The following EPS15 variants were observed in gnomAD, a reference collection of about 807,000 sequenced individuals.
EPS15 encodes epidermal growth factor receptor pathway substrate 15.
Under a neutral mutation model 113.8 loss-of-function variants are expected in EPS15, and 72 were observed. The ratio of observed to expected loss-of-function variants is 0.63; its 90% CI spans 0.52 to 0.77. The LOEUF (loss-of-function observed/expected upper bound fraction) is 0.77. Among genes scored for constraint, EPS15 ranks in the 30% least tolerant of loss-of-function variants. The probability of loss-of-function intolerance (pLI) is 0.00; values close to 1 mark genes in which losing one functional copy is unlikely to be tolerated. For synonymous variants in EPS15, 344 were observed against 363.4 expected (o/e 0.95, Z 0.61); for missense variants, 1,048 against 1,045.8 (o/e 1.00, Z -0.03).
In EPS15 at chr1:51,468,476, T is replaced by A; in HGVS notation, c.306A>T (p.Arg102Ser). 6.3e-7 allele frequency: 1 copy of A among 1,595,838 alleles called. No homozygotes were observed. The highest frequency in any genetic ancestry group is 8.6e-7 in the Non-Finnish European group (1 of 1,163,406). The change falls in exon 5 of 25, where the codon AGA becomes AGT. Residue 102 changes from arginine (R) to serine (S), a missense_variant. Transcript: ENST00000371733. ...SSLNLAVPPP[R>S]FHDTSSPLLI... is the part of the protein sequence containing the mutation. ...TAAATCTAAAAGCATTTCTTACAAA[T>A]CTTGGTGGAGGAACAGCCAGGTTCA...
chr1:51,471,602 C>A (rs1305805312), intron 4 of EPS15, 88 bp downstream of exon 4: 9 of 1,076,406 alleles, frequency 8.4e-6, no homozygotes, highest in African/African-American at 6.4e-5. Flanking sequence ...AAAACCAATT[C>A]TTGGCTTCAA....
At chr1:51,429,625 C>T (rs968523168) in intron 12 of EPS15, among the ~76,000 whole-genome samples, 2 of 148,680 alleles carry the variant, frequency 1.3e-5, no homozygotes, top group African/African-American at 4.9e-5. Flanking sequence ...TAAAGACAGC[C>T]TTTTACTGTT....
chr1:51,440,158 C>G (rs890292211), intron 12 of EPS15, among the ~76,000 whole-genome samples, 189 bp downstream of exon 12: 3 of 151,954 alleles, frequency 2.0e-5, no homozygotes, highest in South Asian at 4.1e-4. Flanking sequence ...ATGAAGTACA[C>G]TGACTCCGTT....
intron 21 of EPS15, among the ~76,000 whole-genome samples, chr1:51,367,213 GAAGAGA>G (rs1406080438): frequency 6.6e-6 from 1 of 152,082 alleles, no homozygotes; most frequent in Non-Finnish European, 1.5e-5. Context: ...TAAACACGGG[GAAGAGA>G]AACCAGGCTA....
chr1:51,448,018 T>C, intron 9 of EPS15, 28 bp downstream of exon 9: 1 of 1,607,126 alleles, frequency 6.2e-7, no homozygotes, highest in Non-Finnish European at 8.5e-7. Flanking sequence ...GAAGAGGGGA[T>C]CAACCGCACA....
At chr1:51,444,227 T>C (rs1652831750) in intron 11 of EPS15, among the ~76,000 whole-genome samples, 1 of 152,212 alleles carries the variant, frequency 6.6e-6, no homozygotes, top group African/African-American at 2.4e-5. Context: ...GGCCAAGATA[T>C]TGCAAATGCA....
chr1:51,497,266 T>C (rs17394056), intron 1 of EPS15, among the ~76,000 whole-genome samples: 3,363 of 152,182 alleles, frequency 0.022, 43 homozygotes, highest in Non-Finnish European at 0.036. Flanking sequence ...CTCTAACCAG[T>C]CAGCTAGCAA....
intron 2 of EPS15, among the ~76,000 whole-genome samples, chr1:51,476,499 T>C (rs993671014): frequency 6.6e-6 from 1 of 152,192 alleles, no homozygotes; most frequent in Non-Finnish European, 1.5e-5. Flanking sequence ...GTGTTTATAG[T>C]AGTCTCTGAT....
intron 24 of EPS15, among the ~76,000 whole-genome samples, chr1:51,359,771 A>G (rs1389463071): frequency 6.6e-6 from 1 of 152,062 alleles, no homozygotes; most frequent in Non-Finnish European, 1.5e-5. Flanking sequence ...AAAAATCAGT[A>G]TAATTCTGGC....
chr1:51,518,886 G>C (rs1484082437), intron 1 of EPS15, among the ~76,000 whole-genome samples: 1 of 151,630 alleles, frequency 6.6e-6, no homozygotes, highest in Non-Finnish European at 1.5e-5. Context: ...CGCGGGAGCC[G>C]GCCCGGCACC....
intron 19 of EPS15, among the ~76,000 whole-genome samples, chr1:51,400,712 C>CAA (rs375748381): frequency 0.016 from 953 of 59,992 alleles, 5 homozygotes; most frequent in African/African-American, 0.02. Flanking sequence ...CAAAAAACAC[C>CAA]AAAAAAAAAA....
intron 8 of EPS15, among the ~76,000 whole-genome samples, chr1:51,455,458 C>T (rs1471658191): frequency 1.3e-5 from 2 of 151,922 alleles, no homozygotes; most frequent in South Asian, 2.1e-4. Flanking sequence ...GGCGTGGTGG[C>T]GGGCACCTGT....
At chr1:51,372,854 A>T in intron 21 of EPS15, 1 of 668,366 alleles carries the variant, frequency 1.5e-6, no homozygotes, top group Non-Finnish European at 2.3e-6. Context: ...TGGTTTGAGG[A>T]GGCTGAACTC....
intron 19 of EPS15, 36 bp from the exon 20 acceptor site, chr1:51,399,201 A>G: frequency 2.5e-6 from 4 of 1,598,150 alleles, no homozygotes; most frequent in Non-Finnish European, 3.4e-6. Flanking sequence ...GAGACAAAAA[A>G]AAATTATTGC....
intron 12 of EPS15, among the ~76,000 whole-genome samples, chr1:51,437,496 T>TAAA (rs1652247547): frequency 6.6e-6 from 1 of 150,450 alleles, no homozygotes; most frequent in South Asian, 2.1e-4. Flanking sequence ...AAAAAAATTT[T>TAAA]TTTTTTTTTT....
At chr1:51,358,349 A>G (rs921983805) in intron 24 of EPS15, among the ~76,000 whole-genome samples, 5 of 152,242 alleles carry the variant, frequency 3.3e-5, no homozygotes, top group Admixed American at 3.3e-4. Context: ...CTTTTAGACC[A>G]GTCTAAATAA....
At chr1:51,497,149 G>A (rs1422084277) in intron 1 of EPS15, among the ~76,000 whole-genome samples, 3 of 152,172 alleles carry the variant, frequency 2.0e-5, no homozygotes, top group Admixed American at 2.0e-4. Context: ...TCAACTTCAT[G>A]TAGTTCTACA....
intron 1 of EPS15, among the ~76,000 whole-genome samples, chr1:51,489,391 G>A (rs1240007981): frequency 2.0e-5 from 3 of 149,018 alleles, no homozygotes; most frequent in East Asian, 2.0e-4. Context: ...ACGTGATCTC[G>A]GCTCACTGCA....
At chr1:51,479,570 G>A (rs1416293508) in intron 2 of EPS15, among the ~76,000 whole-genome samples, 3 of 150,026 alleles carry the variant, frequency 2.0e-5, no homozygotes, top group Non-Finnish European at 2.9e-5. Context: ...TTTCTGCTCT[G>A]GTTTCTCCCC....
Sources: allele counts gnomAD v4.1 joint callset (sites outside exome capture counted in the v4.1 genomes callset), GRCh38; gene constraint gnomAD v4.1.1; transcripts MANE v1.5; gene names NCBI Gene and HGNC (gene_info 2026-07-23, HGNC 2026-07-21).